The following TESK2 variants were observed in gnomAD, a reference collection of about 807,000 sequenced individuals.
TESK2 encodes testis associated actin remodelling kinase 2, also known as dual specificity testis-specific protein kinase 2.
In TESK2, 39 loss-of-function variants were observed where a neutral mutation model predicts 57.1. That is an observed-to-expected ratio of 0.68 (90% CI 0.53 to 0.89). The LOEUF (loss-of-function observed/expected upper bound fraction) is 0.89, where lower values mean the gene tolerates loss of function less well. TESK2 is among the 40% of genes least tolerant of loss of function. The pLI, the probability that TESK2 is intolerant of heterozygous loss-of-function variation, is 0.00. For synonymous variants in TESK2, 249 were observed against 267.9 expected (o/e 0.93, Z 0.69); for missense variants, 646 against 732.1 (o/e 0.88, Z 1.36).
At chr1:45,416,975 AT>A (rs1245591099) in intron 3 of TESK2, among the ~76,000 whole-genome samples, 1 of 151,012 alleles carries the variant, frequency 6.6e-6, no homozygotes, top group Non-Finnish European at 1.5e-5. Flanking sequence ...TTTAGTAGAG[AT>A]GGGGTTTCAC....
intron 3 of TESK2, among the ~76,000 whole-genome samples, chr1:45,404,098 A>G (rs1649739354): frequency 6.6e-6 from 1 of 152,192 alleles, no homozygotes. Flanking sequence ...AATTACTTAT[A>G]AATTTACACC....
intron 1 of TESK2, among the ~76,000 whole-genome samples, chr1:45,486,926 G>A (rs573288484): frequency 3.3e-5 from 5 of 151,180 alleles, no homozygotes; most frequent in South Asian, 4.2e-4. Flanking sequence ...GGGTTCAAGC[G>A]ATTCTCCTGC....
chr1:45,401,373 G>A (rs1649590931), intron 3 of TESK2, among the ~76,000 whole-genome samples: 1 of 151,676 alleles, frequency 6.6e-6, no homozygotes, highest in Non-Finnish European at 1.5e-5. Context: ...CTCCAGCCTG[G>A]GCAACAAGAG....
intron 7 of TESK2, among the ~76,000 whole-genome samples, chr1:45,347,342 G>A (rs976282195): frequency 3.9e-5 from 6 of 152,114 alleles, no homozygotes; most frequent in African/African-American, 1.4e-4. Flanking sequence ...GAGGTGGGCA[G>A]ATCACTTCAG....
chr1:45,448,385 G>A (rs548932374), intron 2 of TESK2, among the ~76,000 whole-genome samples: 1 of 152,158 alleles, frequency 6.6e-6, no homozygotes, highest in Non-Finnish European at 1.5e-5. Flanking sequence ...TACTTGCACT[G>A]CTATAAAGAA....
intron 1 of TESK2, among the ~76,000 whole-genome samples, chr1:45,472,876 G>A (rs1481392055): frequency 2.7e-5 from 4 of 150,578 alleles, no homozygotes; most frequent in Non-Finnish European, 4.4e-5. Flanking sequence ...GGTGGCTTAC[G>A]CCTGTAATCC....
chr1:45,400,019 C>T (rs72892538), intron 3 of TESK2, among the ~76,000 whole-genome samples: 7,575 of 152,206 alleles, frequency 0.05, 670 homozygotes, highest in African/African-American at 0.17. Flanking sequence ...TGTCTATGTC[C>T]TAATCCCCAG....
intron 5 of TESK2, 120 bp downstream of exon 5, chr1:45,355,183 C>CG: frequency 1.6e-6 from 2 of 1,225,986 alleles, no homozygotes; most frequent in South Asian, 1.4e-5. Context: ...TTTCTAAGGA[C>CG]TAACTATAAA....
intron 7 of TESK2, 46 bp downstream of exon 7, chr1:45,347,557 AAAAAAG>A (rs1647163964): frequency 1.3e-6 from 2 of 1,561,870 alleles, no homozygotes; most frequent in Non-Finnish European, 8.8e-7. Flanking sequence ...ACCATCTCAA[AAAAAAG>A]AAAAAGAAAA....
intron 2 of TESK2, among the ~76,000 whole-genome samples, chr1:45,433,045 T>C (rs1651044090): frequency 7.0e-6 from 1 of 142,950 alleles, no homozygotes; most frequent in Admixed American, 7.2e-5. Context: ...ATTACAAGCA[T>C]GAGCCACCGC....
At chr1:45,449,583 T>C (rs1187075677) in intron 2 of TESK2, among the ~76,000 whole-genome samples, 1 of 152,178 alleles carries the variant, frequency 6.6e-6, no homozygotes, top group Non-Finnish European at 1.5e-5. Context: ...ATTAATTTCA[T>C]GCTATCAAGA....
At chr1:45,376,623 A>G (rs2149271736) in intron 4 of TESK2, among the ~76,000 whole-genome samples, 1 of 152,242 alleles carries the variant, frequency 6.6e-6, no homozygotes, top group South Asian at 2.1e-4. Context: ...CTAAGCATAT[A>G]CTATGGGCCC....
intron 3 of TESK2, among the ~76,000 whole-genome samples, chr1:45,410,326 G>A (rs1242004674): frequency 2.0e-5 from 3 of 151,430 alleles, no homozygotes; most frequent in African/African-American, 4.9e-5. Context: ...ATTTTAGGCT[G>A]GGAGCAGTGG....
chr1:45,346,901 T>C, intron 8 of TESK2, 78 bp downstream of exon 8: 1 of 1,566,728 alleles, frequency 6.4e-7, no homozygotes. Context: ...TTCCAGCAAG[T>C]CCATCCCAGG....
At chr1:45,436,944 T>C (rs1651258582) in intron 2 of TESK2, among the ~76,000 whole-genome samples, 1 of 151,972 alleles carries the variant, frequency 6.6e-6, no homozygotes, top group Non-Finnish European at 1.5e-5. Flanking sequence ...ACTACAGGCA[T>C]GTGCCATCAT....
intron 4 of TESK2, among the ~76,000 whole-genome samples, chr1:45,360,005 G>A (rs1206646310): frequency 6.6e-6 from 1 of 152,226 alleles, no homozygotes; most frequent in Non-Finnish European, 1.5e-5. Context: ...ATCCTTGGAA[G>A]CGTCGGACCA....
At chr1:45,427,479 T>C (rs1015227373) in intron 2 of TESK2, among the ~76,000 whole-genome samples, 4 of 152,162 alleles carry the variant, frequency 2.6e-5, no homozygotes, top group Non-Finnish European at 5.9e-5. Context: ...TGTAGCACTA[T>C]TCACAATAGC....
chr1:45,386,018 T>C lies in TESK2; in HGVS notation c.345-58A>G, dbSNP rs1176060071. 3.4e-5 allele frequency: 47 copies of C among 1,392,876 alleles called. No individual in the cohort carries two copies. In the East Asian group the frequency reaches 9.7e-4, roughly 29 times the overall value. 86.3% of individuals were successfully genotyped at this position (1,392,876 alleles called of 1,614,324 possible). ...AAAAGGACACAAATATAAATTCATATAGAGAAATCAGGTTAGTTACCCATG... is the reference window on the plus strand; with the variant it reads ...AAAAGGACACAAATATAAATTCATACAGAGAAATCAGGTTAGTTACCCATG... On this transcript the variant is annotated intron_variant, in intron 3 of 10. Coordinates refer to ENST00000372086, the MANE Select transcript of TESK2 (RefSeq NM_007170.3).
intron 3 of TESK2, among the ~76,000 whole-genome samples, chr1:45,413,616 CTCTT>C (rs888414412): frequency 2.0e-5 from 3 of 152,006 alleles, no homozygotes; most frequent in African/African-American, 7.2e-5. Context: ...CTCTCTCTCT[CTCTT>C]TCTTTTAAGC....
Sources: allele counts gnomAD v4.1 joint callset (sites outside exome capture counted in the v4.1 genomes callset), GRCh38; gene constraint gnomAD v4.1.1; transcripts MANE v1.5; gene names NCBI Gene and HGNC (gene_info 2026-07-23, HGNC 2026-07-21).